The following BMS1 variants were observed in gnomAD, a reference collection of about 807,000 sequenced individuals.
The protein encoded by BMS1 is ribosome biogenesis protein BMS1 homolog.
A neutral mutation model predicts 138.7 loss-of-function variants in BMS1; 53 were observed. The observed-to-expected ratio is 0.38, with a 90% CI of 0.31 to 0.48. BMS1 has a LOEUF of 0.48. Among genes scored for constraint, BMS1 ranks in the 20% least tolerant of loss-of-function variants. The pLI, the probability that BMS1 is intolerant of heterozygous loss-of-function variation, is 0.97. For missense variants in BMS1, 1,360 were observed against 1,565.5 expected (o/e 0.87, Z 2.22); for synonymous variants, 504 against 539.9 (o/e 0.93, Z 0.92).
rs534004913 is a variant in BMS1, at chr10:42,823,838, A to C, written c.3456+54A>C. On this transcript the variant is annotated intron_variant, in intron 21 of 22. Transcript: ENST00000374518. ...TGAAGCCTGTGCTCTACAGACAGGG[A>C]GTCACACAGACACTTTTCTATAATT... 6.8e-5 allele frequency: 91 copies of C among 1,338,636 alleles called. No individual in the cohort carries two copies. In the African/African-American group the frequency reaches 1.2e-3, roughly 18 times the overall value. The allele number at this position is 1,338,636 out of a possible 1,614,324, so 82.9% of individuals were successfully genotyped here. A position where few individuals can be genotyped will look rare whatever the true frequency, so the allele number is the denominator to read the frequency against.
intron 4 of BMS1, among the ~76,000 whole-genome samples, chr10:42,789,929 T>C (rs1475226432): frequency 6.6e-6 from 1 of 152,238 alleles, no homozygotes; most frequent in Non-Finnish European, 1.5e-5. Context: ...TTACTTCTCA[T>C]ACATTAAAAT....
intron 19 of BMS1, 87 bp from the exon 20 acceptor site, chr10:42,823,031 T>C: frequency 7.7e-7 from 1 of 1,297,794 alleles, no homozygotes; most frequent in Non-Finnish European, 1.0e-6. Flanking sequence ...TTTTGTTCTT[T>C]AATCAAGGAT....
At chr10:42,808,507 G>C (rs775725920) in intron 13 of BMS1, among the ~76,000 whole-genome samples, 1 of 151,788 alleles carries the variant, frequency 6.6e-6, no homozygotes, top group African/African-American at 2.4e-5. Flanking sequence ...CACAGTGTTT[G>C]CCAGGATGGT....
chr10:42,790,420 T>C lies in BMS1; in HGVS notation c.545T>C (p.Val182Ala). Reference protein sequence around the residue: ...QVHGFPKIMGVLTHLDSFKHN... With the variant: ...QVHGFPKIMGALTHLDSFKHN... ...CATGGCTTTCCTAAAATTATGGGAG[T>C]TCTCACCCACCTCGACTCCTTCAAG... is the stretch of plus-strand genomic sequence containing the variant. The change falls in exon 5 of 23, where the codon GTT becomes GCT. Residue 182 changes from valine (V) to alanine (A), a missense_variant. By Grantham distance (64) the Val-to-Ala change is moderately conservative. This residue lies in a region of BMS1 where 238 missense variants were observed against 311.1 expected (regional missense o/e 0.77). Coordinates refer to ENST00000374518, the MANE Select transcript of BMS1 (RefSeq NM_014753.4). 6.2e-7 allele frequency: 1 copy of C among 1,613,872 alleles called. No individual in the cohort carries two copies. Among genetic ancestry groups the C allele is most frequent in the Non-Finnish European group, 8.5e-7 (1 of 1,179,838 alleles).
chr10:42,818,431 A>G (rs182608839), intron 15 of BMS1, among the ~76,000 whole-genome samples: 1 of 152,304 alleles, frequency 6.6e-6, no homozygotes, highest in East Asian at 1.9e-4. Context: ...CTGCCAAGAG[A>G]TCAGTCGGGT....
chr10:42,816,605 T>G lies in BMS1; in HGVS notation c.2336T>G (p.Leu779Arg), dbSNP rs757243318. The change falls in exon 14 of 23, where the codon CTC becomes CGC. Residue 779 changes from leucine (L) to arginine (R), a missense_variant. Physicochemically the swap from Leu to Arg is moderately radical, Grantham distance 102 (BLOSUM62 -2). Coordinates refer to ENST00000374518, the MANE Select transcript of BMS1 (RefSeq NM_014753.4). Reference protein sequence around the residue: ...AAKVLAEDEELYGDFEDLETG... With the variant: ...AAKVLAEDEERYGDFEDLETG... ...TTGGGTGTTCTTTTCCCAGAGGAGC[T>G]CTACGGTGACTTTGAAGACTTGGAA... The G allele has an allele frequency of 1.9e-6, 3 of 1,610,500 alleles. No homozygotes were observed.
chr10:42,796,741 A>C lies in BMS1; in HGVS notation c.1497A>C (p.Pro499=), dbSNP rs1373212689. Residue 499 remains proline (P), a synonymous_variant, in exon 10 of 23, where the codon CCA becomes CCC. Coordinates refer to ENST00000374518, the MANE Select transcript of BMS1 (RefSeq NM_014753.4). ...AAGAAGACAGTGAAATGGATTTGCC[A>C]GCATTTGCTGACAGTGACGATGACC... ...ELEEDSEMDL[P]AFADSDDDLE... 2 of 1,614,136 alleles carry C rather than the reference A, an allele frequency of 1.2e-6. No individual in the cohort carries two copies. Among genetic ancestry groups the C allele is most frequent in the Admixed American group, 1.7e-5 (1 of 60,002 alleles).
intron 13 of BMS1, among the ~76,000 whole-genome samples, chr10:42,805,009 T>C (rs1841973727): frequency 6.6e-6 from 1 of 152,202 alleles, no homozygotes; most frequent in Non-Finnish European, 1.5e-5. Flanking sequence ...TGAGCCACTG[T>C]GCCCTGCCCA....
chr10:42,796,575 A>G lies in BMS1; in HGVS notation c.1331A>G (p.Asp444Gly), dbSNP rs1239179232. The G allele has an allele frequency of 2.5e-6, 4 of 1,614,094 alleles. No individual in the cohort carries two copies. In the African/African-American group the frequency reaches 4.0e-5, roughly 16 times the overall value. The part of the protein sequence containing the change: ...GDEDESGDSD[D>G]EEDDEMSEDD... ...GAAGATGAATCTGGAGATAGTGATG[A>G]TGAAGAAGATGATGAAATGTCTGAA... Residue 444 changes from aspartate (D) to glycine (G), a missense_variant, in exon 10 of 23, where the codon GAT (aspartate) becomes GGT (glycine). Around this residue, in one of 3 missense-constraint regions of BMS1, gnomAD observed 697 missense variants for 686.2 expected, o/e 1.02. Transcript: ENST00000374518.
intron 2 of BMS1, 127 bp downstream of exon 2, chr10:42,784,697 G>A (rs1589127508): frequency 3.5e-6 from 4 of 1,128,444 alleles, no homozygotes; most frequent in Non-Finnish European, 4.8e-6. Flanking sequence ...TTCATGGTGT[G>A]TGGCTTTCAC....
intron 7 of BMS1, 41 bp from the exon 8 acceptor site, chr10:42,792,916 T>A (rs770363701): frequency 1.3e-6 from 2 of 1,585,086 alleles, no homozygotes; most frequent in East Asian, 4.5e-5. Context: ...TGCTTCTGAC[T>A]TCTTGTCAGC....
intron 13 of BMS1, among the ~76,000 whole-genome samples, chr10:42,813,987 C>A (rs56178200): frequency 1.3e-5 from 2 of 152,114 alleles, no homozygotes; most frequent in East Asian, 3.9e-4. Context: ...TGTGCCACTT[C>A]CTTCTGGCCT....
At chr10:42,787,508 C>T (rs1334767412) in intron 4 of BMS1, among the ~76,000 whole-genome samples, 1 of 152,092 alleles carries the variant, frequency 6.6e-6, no homozygotes, top group African/African-American at 2.4e-5. Flanking sequence ...CTTTAATGAA[C>T]ACAACTAATA....
At chr10:42,819,664 G>A (rs773585553) in intron 15 of BMS1, among the ~76,000 whole-genome samples, 19 of 152,206 alleles carry the variant, frequency 1.2e-4, no homozygotes, top group Non-Finnish European at 1.9e-4. Flanking sequence ...GACTGGGGAC[G>A]TTTCCAGTGT....
intron 15 of BMS1, among the ~76,000 whole-genome samples, chr10:42,817,845 G>A (rs1398466889): frequency 6.6e-6 from 1 of 152,204 alleles, no homozygotes; most frequent in African/African-American, 2.4e-5. Flanking sequence ...TATTCCAATC[G>A]CTGCTCCCTG....
intron 19 of BMS1, among the ~76,000 whole-genome samples, chr10:42,822,633 T>G (rs911445369): frequency 1.3e-5 from 2 of 152,214 alleles, no homozygotes; most frequent in African/African-American, 4.8e-5. Flanking sequence ...GGAGGTTGGT[T>G]TGAGCAGCAT....
At position 42,790,194 on chromosome 10, in the gene BMS1, A is replaced by G. The variant is rs375035924; in HGVS notation, c.448-129A>G. 5 of 810,764 alleles carry G rather than the reference A, an allele frequency of 6.2e-6. No homozygotes were observed. The African/African-American group carries it at 6.9e-5, about 11-fold the overall frequency. The allele number at this position is 810,764 out of a possible 1,614,324, so 50.2% of individuals were successfully genotyped here. On this transcript the variant is annotated intron_variant, in intron 4 of 22. Coordinates refer to ENST00000374518, the MANE Select transcript of BMS1 (RefSeq NM_014753.4). ...AATATGTAAATGAATTAATGTGGCT[A>G]TGTTCCAATAAAACTTTAGTTACAA...
intron 13 of BMS1, among the ~76,000 whole-genome samples, chr10:42,805,331 T>G (rs1173937311): frequency 3.3e-5 from 5 of 152,208 alleles, no homozygotes; most frequent in Non-Finnish European, 7.3e-5. Flanking sequence ...CATTGATATA[T>G]TTGTTTATTT....
At chr10:42,791,839 C>A in intron 6 of BMS1, 70 bp downstream of exon 6, 2 of 1,516,356 alleles carry the variant, frequency 1.3e-6, no homozygotes, top group Non-Finnish European at 1.8e-6. Context: ...AGAAAAAGAA[C>A]AGTGATAGGA....
Sources: allele counts gnomAD v4.1 joint callset (sites outside exome capture counted in the v4.1 genomes callset), GRCh38; gene constraint gnomAD v4.1.1; regional missense constraint gnomAD v4.1.1; transcripts MANE v1.5; gene names NCBI Gene and HGNC (gene_info 2026-07-23, HGNC 2026-07-21).